The following CDC5L variants were observed in gnomAD, a reference collection of about 807,000 sequenced individuals.
CDC5L encodes the protein cell division cycle 5 like.
CDC5L carries 18 observed loss-of-function variants against 104.1 expected under a neutral mutation model. The observed-to-expected ratio is 0.17, with a 90% CI of 0.12 to 0.26. The LOEUF is 0.26. CDC5L is among the 10% of genes least tolerant of loss of function. CDC5L has a pLI of 1.00. For missense variants in CDC5L, 673 were observed against 956.9 expected, an observed-to-expected ratio of 0.70 and a Z score of 3.91; for synonymous variants, 331 against 322.7, an observed-to-expected ratio of 1.03 and a Z score of -0.28.
In CDC5L at chr6:44,406,310, T is replaced by C. The variant is rs1380998909; in HGVS notation, c.759-13T>C. ...TAACTTAAAAATCTCTTTTCTACTTTGATCCATGACAGTGAAAAAGAAGGA... is the reference window on the plus strand; with the variant it reads ...TAACTTAAAAATCTCTTTTCTACTTCGATCCATGACAGTGAAAAAGAAGGA... On this transcript the variant is annotated splice_polypyrimidine_tract_variant and intron_variant, in intron 6 of 15. Coordinates refer to ENST00000371477, the MANE Select transcript of CDC5L (RefSeq NM_001253.4). 1.3e-6 allele frequency: 2 copies of C among 1,579,190 alleles called. No homozygotes were observed. The highest frequency in any genetic ancestry group is 1.9e-5 in the Admixed American group (1 of 53,124).
chr6:44,407,341 T>G (rs552892825), intron 7 of CDC5L, among the ~76,000 whole-genome samples: 1 of 152,178 alleles, frequency 6.6e-6, no homozygotes, highest in South Asian at 2.1e-4. Context: ...TTTTTTTTTT[T>G]TTTTGAGACG....
Position 44,426,535 on chromosome 6 carries a change from A to G in CDC5L, c.1704A>G (p.Leu568=), listed in dbSNP as rs1323797330. Residue 568 remains leucine (L), a synonymous_variant, in exon 13 of 16, where the codon TTA becomes TTG. Coordinates refer to ENST00000371477, the MANE Select transcript of CDC5L (RefSeq NM_001253.4). ...PLNVEPPLTD[L]QKSEELIKKE... is the part of the protein sequence containing the mutation. ...ATGTAGAACCGCCTTTAACAGATTT[A>G]CAGAAAAGTGAAGAACTAATCAAAA... is the stretch of plus-strand genomic sequence containing the variant. The G allele has an allele frequency of 1.3e-6, 2 of 1,599,640 alleles. No homozygotes were observed. The highest frequency in any genetic ancestry group is 4.5e-5 in the East Asian group (2 of 44,732).
intron 7 of CDC5L, among the ~76,000 whole-genome samples, chr6:44,406,962 T>G (rs546920504): frequency 3.6e-4 from 55 of 152,134 alleles, no homozygotes; most frequent in African/African-American, 1.3e-3. Context: ...CCACAAGTAA[T>G]TGTGATATAG....
intron 5 of CDC5L, among the ~76,000 whole-genome samples, chr6:44,396,897 GT>G (rs1790894408): frequency 1.3e-5 from 2 of 152,156 alleles, no homozygotes; most frequent in Admixed American, 6.5e-5. Context: ...CTGAGTGCAG[GT>G]GCTTATGTCC....
intron 14 of CDC5L, among the ~76,000 whole-genome samples, chr6:44,436,394 A>G (rs1447374907): frequency 6.7e-6 from 1 of 149,822 alleles, no homozygotes; most frequent in Non-Finnish European, 1.5e-5. Context: ...CTTAAAACTC[A>G]GATTTTGGTT....
intron 8 of CDC5L, 114 bp from the exon 9 acceptor site, chr6:44,419,335 T>G: frequency 1.9e-5 from 17 of 910,482 alleles, no homozygotes; most frequent in Non-Finnish European, 2.4e-5. Context: ...TAGCTTTCAT[T>G]GAGAAAATGA....
Position 44,426,548 on chromosome 6 carries a change from G to A in CDC5L, c.1717G>A (p.Glu573Lys). The change falls in exon 13 of 16, where the codon GAA becomes AAA. Residue 573 changes from glutamate to lysine, a missense_variant. Physicochemically the swap from Glu to Lys is moderately conservative, Grantham distance 56. Transcript: ENST00000371477. ...TTTAACAGATTTACAGAAAAGTGAA[G>A]AACTAATCAAAAAAGAAATGATCAC... Reference protein sequence around the residue: ...PPLTDLQKSEELIKKEMITML... With the variant: ...PPLTDLQKSEKLIKKEMITML... The A allele has an allele frequency of 6.2e-7, 1 of 1,606,816 alleles. No individual in the cohort carries two copies. The highest frequency in any genetic ancestry group is 8.5e-7 in the Non-Finnish European group (1 of 1,173,882).
chr6:44,426,111 A>G lies in CDC5L; in HGVS notation c.1578A>G (p.Arg526=), dbSNP rs1459349686. Reference sequence around the variant, plus strand: ...TAAAAATCATTTTTTAGGCCATACGAGATGCAGAGCGTGTAAAGGAAATGA... The same window carrying G: ...TAAAAATCATTTTTTAGGCCATACGGGATGCAGAGCGTGTAAAGGAAATGA... ...ADVDARKQAI[R]DAERVKEMKR... Residue 526 remains arginine (R), a synonymous_variant, in exon 12 of 16, where the codon CGA becomes CGG. Transcript: ENST00000371477. 2.5e-6 allele frequency: 4 copies of G among 1,601,024 alleles called. No individual in the cohort carries two copies. Among genetic ancestry groups the G allele is most frequent in the Admixed American group, 1.7e-5 (1 of 59,344 alleles).
At chr6:44,394,363 C>T (rs1467531605) in intron 4 of CDC5L, among the ~76,000 whole-genome samples, 1 of 152,198 alleles carries the variant, frequency 6.6e-6, no homozygotes, top group Non-Finnish European at 1.5e-5. Context: ...TGGAGAGAGA[C>T]ATCAAGTCAG....
At chr6:44,428,859 G>C (rs942171562) in intron 13 of CDC5L, among the ~76,000 whole-genome samples, 1 of 152,258 alleles carries the variant, frequency 6.6e-6, no homozygotes, top group South Asian at 2.1e-4. Flanking sequence ...AAGATGCCTA[G>C]CTCCCCTTTA....
At chr6:44,407,483 T>G (rs1400537746) in intron 7 of CDC5L, among the ~76,000 whole-genome samples, 2 of 152,188 alleles carry the variant, frequency 1.3e-5, no homozygotes, top group Admixed American at 1.3e-4. Context: ...TGCGCCACCA[T>G]GCCCCGCTAA....
intron 4 of CDC5L, among the ~76,000 whole-genome samples, chr6:44,395,755 A>G (rs918674722): frequency 2.6e-5 from 4 of 152,216 alleles, no homozygotes; most frequent in Non-Finnish European, 4.4e-5. Context: ...GTATTTTACA[A>G]GTTCCCATGT....
At chr6:44,430,050 A>T (rs1792605565) in intron 14 of CDC5L, 140 bp downstream of exon 14, 1 of 638,358 alleles carries the variant, frequency 1.6e-6, no homozygotes, top group South Asian at 2.1e-5. Flanking sequence ...ACTACACTTA[A>T]GTGTTGGATC....
chr6:44,424,635 C>T lies in CDC5L; in HGVS notation c.1569+52C>T, dbSNP rs974782981. Reference sequence around the variant, plus strand: ...GAGTTTGGCTGAATGTGTCAGTAGGCTGGAAGAATGAAGAATAGCCATTAA... The same window carrying T: ...GAGTTTGGCTGAATGTGTCAGTAGGTTGGAAGAATGAAGAATAGCCATTAA... On this transcript the variant is annotated intron_variant, in intron 11 of 15. Coordinates refer to ENST00000371477, the MANE Select transcript of CDC5L (RefSeq NM_001253.4). The T allele has an allele frequency of 1.9e-6, 3 of 1,565,638 alleles. No homozygotes were observed. In the African/African-American group the frequency reaches 4.1e-5, roughly 21 times the overall value.
At chr6:44,433,795 C>G (rs1264414056) in intron 14 of CDC5L, among the ~76,000 whole-genome samples, 1 of 152,156 alleles carries the variant, frequency 6.6e-6, no homozygotes, top group Non-Finnish European at 1.5e-5. Context: ...GGTTATATTT[C>G]TGCAAAATTG....
chr6:44,415,508 G>C (rs1348873730), intron 8 of CDC5L, among the ~76,000 whole-genome samples: 1 of 152,144 alleles, frequency 6.6e-6, no homozygotes, highest in Non-Finnish European at 1.5e-5. Flanking sequence ...GGCACTCCCT[G>C]GTGTCAGGGA....
intron 14 of CDC5L, among the ~76,000 whole-genome samples, chr6:44,445,038 G>T (rs1793383684): frequency 6.6e-6 from 1 of 152,204 alleles, no homozygotes; most frequent in South Asian, 2.1e-4. Context: ...GCCCCTTCCA[G>T]GGAGAAATGT....
In CDC5L at chr6:44,446,736, G is replaced by A; in HGVS notation, c.*25G>A. The A allele has an allele frequency of 1.7e-6, 2 of 1,157,832 alleles. No homozygotes were observed. Among genetic ancestry groups the A allele is most frequent in the Non-Finnish European group, 2.5e-6 (2 of 795,026 alleles). The allele number at this position is 1,157,832 out of a possible 1,614,324, so 71.7% of individuals were successfully genotyped here. A position where few individuals can be genotyped will look rare whatever the true frequency, so the allele number is the denominator to read the frequency against. On this transcript the variant is annotated 3_prime_UTR_variant, in exon 16 of 16. Coordinates refer to ENST00000371477, the MANE Select transcript of CDC5L (RefSeq NM_001253.4). ...AAGTACAGTTTATATTCTGTCACAGGATTAATTAATTGCCGGTTTTCATAC... is the reference window on the plus strand; with the variant it reads ...AAGTACAGTTTATATTCTGTCACAGAATTAATTAATTGCCGGTTTTCATAC...
intron 8 of CDC5L, among the ~76,000 whole-genome samples, chr6:44,413,017 C>T (rs976379417): frequency 2.6e-5 from 4 of 151,312 alleles, no homozygotes; most frequent in South Asian, 2.1e-4. Flanking sequence ...CTCCTGACCT[C>T]GTGATCCGCC....
Sources: gnomAD v4.1 joint callset for allele counts (sites outside exome capture counted in the v4.1 genomes callset) on GRCh38, gnomAD v4.1.1 for gene constraint, MANE v1.5 for transcripts, NCBI Gene and HGNC (gene_info 2026-07-23, HGNC 2026-07-21) for gene names.